The following MS4A13 variants were observed in gnomAD, a reference collection of about 807,000 sequenced individuals.
MS4A13 encodes membrane spanning 4-domains A13.
Under a neutral mutation model 18.4 loss-of-function variants are expected in MS4A13, and 21 were observed. The observed-to-expected ratio is 1.14, with a 90% CI of 0.81 to 1.64. MS4A13 has a LOEUF of 1.64. Ranked by LOEUF, MS4A13 falls within the 40% of genes most tolerant of loss-of-function variation. The pLI, the probability that MS4A13 is intolerant of heterozygous loss-of-function variation, is 0.00. For missense variants in MS4A13, 173 were observed against 176.8 expected, an observed-to-expected ratio of 0.98 and a Z score of 0.12; for synonymous variants, 62 against 57.2, an observed-to-expected ratio of 1.08 and a Z score of -0.38.
chr11:60,516,599 C>A (rs971039872), intron 2 of MS4A13, among the ~76,000 whole-genome samples: 1 of 152,098 alleles, frequency 6.6e-6, no homozygotes, highest in Non-Finnish European at 1.5e-5. Flanking sequence ...GGTCACAGAC[C>A]ATTTTGGCAT....
chr11:60,529,482 G>A (rs1263515255), intron 6 of MS4A13, 22 bp downstream of exon 6: 1 of 1,404,298 alleles, frequency 7.1e-7, no homozygotes. Context: ...CCCACTCTCT[G>A]GCAAATCAAA....
intron 3 of MS4A13, among the ~76,000 whole-genome samples, chr11:60,523,054 T>G (rs2086688324): frequency 6.6e-6 from 1 of 152,198 alleles, no homozygotes; most frequent in Admixed American, 6.5e-5. Context: ...TCACAAGATA[T>G]TTTCACTTTA....
chr11:60,540,444 T>A (rs1261036615), intron 6 of MS4A13, among the ~76,000 whole-genome samples: 2 of 152,036 alleles, frequency 1.3e-5, no homozygotes, highest in African/African-American at 4.8e-5. Flanking sequence ...ATAGAATAGA[T>A]GACAATAATA....
At chr11:60,527,390 C>CTGTGTG (rs2086723372) in intron 5 of MS4A13, among the ~76,000 whole-genome samples, 8 of 125,936 alleles carry the variant, frequency 6.4e-5, no homozygotes, top group African/African-American at 2.8e-4. Context: ...CTCTCTCTCT[C>CTGTGTG]TCTCTCTCTC....
chr11:60,541,949 A>C (rs1236270948), intron 6 of MS4A13, among the ~76,000 whole-genome samples: 6 of 151,956 alleles, frequency 3.9e-5, no homozygotes, highest in Non-Finnish European at 7.4e-5. Context: ...AAATACAAAA[A>C]AATTAGCCAG....
intron 6 of MS4A13, among the ~76,000 whole-genome samples, chr11:60,539,792 G>A (rs913546761): frequency 6.6e-6 from 1 of 152,174 alleles, no homozygotes; most frequent in Admixed American, 6.5e-5. Flanking sequence ...GAGGCCTGAA[G>A]GTAGTGGAAT....
intron 6 of MS4A13, among the ~76,000 whole-genome samples, chr11:60,532,732 C>A (rs1396832193): frequency 7.1e-6 from 1 of 141,814 alleles, no homozygotes; most frequent in African/African-American, 2.6e-5. Flanking sequence ...CACAGACAAA[C>A]AAAAAGACAG....
At chr11:60,524,345 G>A (rs2086698021) in intron 4 of MS4A13, among the ~76,000 whole-genome samples, 1 of 152,136 alleles carries the variant, frequency 6.6e-6, no homozygotes, top group African/African-American at 2.4e-5. Context: ...ACAAAGTACA[G>A]AATTGGTCCA....
intron 6 of MS4A13, among the ~76,000 whole-genome samples, chr11:60,538,074 G>T (rs1317844811): frequency 6.6e-6 from 1 of 150,538 alleles, no homozygotes; most frequent in East Asian, 2.0e-4. Flanking sequence ...TATACCTAAT[G>T]CTGGATGACA....
At chr11:60,522,694 AATG>A (rs751150235) in intron 3 of MS4A13, among the ~76,000 whole-genome samples, 4 of 152,212 alleles carry the variant, frequency 2.6e-5, no homozygotes, top group Non-Finnish European at 4.4e-5. Context: ...AATCCAGATA[AATG>A]ATACATGGTT....
rs901744412 is a variant in MS4A13, at chr11:60,516,666, A to AT, written c.-13+590dup. Among the ~76,000 whole-genome samples, 9 of 151,798 alleles carry AT rather than the reference A, an allele frequency of 5.9e-5. No homozygotes were observed. In the East Asian group the frequency reaches 7.7e-4, roughly 13 times the overall value. ...TTATGTACATGTCACAATCCTTCGC[A>AT]TTTTTTTTCCCTGGGGGCAGGGGGT... is the stretch of plus-strand genomic sequence containing the variant. On this transcript the variant is annotated intron_variant, in intron 2 of 6. Transcript: ENST00000378186.
At chr11:60,541,790 C>T (rs1457974046) in intron 6 of MS4A13, among the ~76,000 whole-genome samples, 1 of 151,748 alleles carries the variant, frequency 6.6e-6, no homozygotes, top group Non-Finnish European at 1.5e-5. Context: ...ACAAGTGATC[C>T]AACAGAAATT....
At chr11:60,524,334 A>T (rs892414352) in intron 4 of MS4A13, among the ~76,000 whole-genome samples, 1 of 152,224 alleles carries the variant, frequency 6.6e-6, no homozygotes, top group Non-Finnish European at 1.5e-5. Context: ...TGTGTCCTGT[A>T]ACAAAGTACA....
At chr11:60,543,340 C>T (rs1373194868), downstream of MS4A13, among the ~76,000 whole-genome samples, 1 of 152,108 alleles carries the variant, frequency 6.6e-6, no homozygotes, top group Non-Finnish European at 1.5e-5. Flanking sequence ...CTAAGAATTT[C>T]AGCACTTATC....
chr11:60,529,748 TAC>T (rs1320744985), intron 6 of MS4A13, among the ~76,000 whole-genome samples: 3 of 152,214 alleles, frequency 2.0e-5, no homozygotes, highest in Non-Finnish European at 4.4e-5. Flanking sequence ...AAAAGACGAA[TAC>T]ACACACATTC....
intron 6 of MS4A13, among the ~76,000 whole-genome samples, chr11:60,531,306 C>A (rs1474785378): frequency 6.6e-6 from 1 of 152,146 alleles, no homozygotes; most frequent in Admixed American, 6.5e-5. Flanking sequence ...TTACTAGCAA[C>A]CAACCAGAAA....
chr11:60,537,995 G>A (rs2086821004), intron 6 of MS4A13, among the ~76,000 whole-genome samples: 1 of 131,624 alleles, frequency 7.6e-6, no homozygotes, highest in Non-Finnish European at 1.6e-5. Context: ...CATGGACACA[G>A]GAAGGGGAAT....
intron 6 of MS4A13, 59 bp from the exon 7 acceptor site, chr11:60,542,460 A>G: frequency 1.8e-6 from 2 of 1,140,392 alleles, no homozygotes; most frequent in South Asian, 2.8e-5. Context: ...AGATCTATTT[A>G]TTAGTTGTAT....
At chr11:60,517,120 G>C (rs1397146918) in intron 2 of MS4A13, among the ~76,000 whole-genome samples, 1 of 151,936 alleles carries the variant, frequency 6.6e-6, no homozygotes, top group African/African-American at 2.4e-5. Flanking sequence ...TTTGATGCAA[G>C]GGGAAACGTT....
Sources: gnomAD v4.1 joint callset for allele counts (sites outside exome capture counted in the v4.1 genomes callset) on GRCh38, gnomAD v4.1.1 for gene constraint, MANE v1.5 for transcripts, NCBI Gene and HGNC (gene_info 2026-07-23, HGNC 2026-07-21) for gene names.